SRPK2: variants seen among roughly 807,000 people sequenced by gnomAD.
SRPK2 encodes the protein SFRS protein kinase 2.
In SRPK2, 21 loss-of-function variants were observed where a neutral mutation model predicts 90.8. The observed-to-expected ratio is 0.23, with a 90% confidence interval of 0.16 to 0.33. The LOEUF (loss-of-function observed/expected upper bound fraction) is 0.33. Among genes scored for constraint, SRPK2 ranks in the 10% least tolerant of loss-of-function variants. The pLI is 1.00. For missense variants in SRPK2, 620 were observed against 869.0 expected, an observed-to-expected ratio of 0.71 and a Z score of 3.60; for synonymous variants, 288 against 311.1, an observed-to-expected ratio of 0.93 and a Z score of 0.78.
At chr7:105,265,540 T>TC (rs1804941409) in intron 2 of SRPK2, among the ~76,000 whole-genome samples, 1 of 151,812 alleles carries the variant, frequency 6.6e-6, no homozygotes, top group South Asian at 2.1e-4. Context: ...ACTACTACTC[T>TC]CCCCCACGCA....
At chr7:105,333,207 T>C (rs1283141769) in intron 2 of SRPK2, among the ~76,000 whole-genome samples, 2 of 151,742 alleles carry the variant, frequency 1.3e-5, no homozygotes, top group Non-Finnish European at 2.9e-5. Context: ...AACAAACAAA[T>C]AAATAAATAG....
At chr7:105,264,697 C>T (rs979839207) in intron 2 of SRPK2, among the ~76,000 whole-genome samples, 5 of 152,166 alleles carry the variant, frequency 3.3e-5, no homozygotes, top group South Asian at 4.1e-4. Context: ...TTATCCTTTC[C>T]GTATCTGTTC....
At chr7:105,398,242 T>C (rs2132928321) in intron 1 of SRPK2, among the ~76,000 whole-genome samples, 1 of 152,312 alleles carries the variant, frequency 6.6e-6, no homozygotes, top group South Asian at 2.1e-4. Flanking sequence ...GTAAAACCAA[T>C]TGGATTATGA....
chr7:105,343,220 T>C (rs1020932928), intron 2 of SRPK2, among the ~76,000 whole-genome samples: 1 of 151,998 alleles, frequency 6.6e-6, no homozygotes, highest in African/African-American at 2.4e-5. Flanking sequence ...ATTGCTTGAG[T>C]CCAAGAATTT....
chr7:105,323,589 C>CA (rs1233551309), intron 2 of SRPK2, among the ~76,000 whole-genome samples: 1 of 152,042 alleles, frequency 6.6e-6, no homozygotes, highest in Admixed American at 6.6e-5. Flanking sequence ...ATGTTAAAAA[C>CA]AAAAAAGTCT....
At chr7:105,323,469 T>C (rs1675056330) in intron 2 of SRPK2, among the ~76,000 whole-genome samples, 1 of 152,198 alleles carries the variant, frequency 6.6e-6, no homozygotes, top group African/African-American at 2.4e-5. Flanking sequence ...ATAGAATCTT[T>C]CTAAAAACAC....
intron 2 of SRPK2, among the ~76,000 whole-genome samples, chr7:105,259,306 C>A (rs561323885): frequency 6.6e-6 from 1 of 152,228 alleles, no homozygotes; most frequent in Admixed American, 6.5e-5. Flanking sequence ...GAATAAAATA[C>A]CTAGGAATCC....
intron 2 of SRPK2, among the ~76,000 whole-genome samples, chr7:105,370,946 C>T (rs1260464708): frequency 6.6e-6 from 1 of 151,992 alleles, no homozygotes; most frequent in Non-Finnish European, 1.5e-5. Context: ...ACTAGCAAAG[C>T]TTTAACTAGA....
intron 2 of SRPK2, among the ~76,000 whole-genome samples, chr7:105,292,199 T>C (rs1809125087): frequency 2.6e-5 from 4 of 152,158 alleles, no homozygotes; most frequent in African/African-American, 9.7e-5. Context: ...AATTGAACTA[T>C]TCATGTCTGG....
At chr7:105,389,096 G>C (rs1209338336), upstream of SRPK2, 2 of 973,780 alleles carry the variant, frequency 2.1e-6, no homozygotes, top group Non-Finnish European at 2.4e-6. Context: ...GCCGCCCATG[G>C]CCGCGCTGGC....
At chr7:105,232,517 TA>T (rs1163535491) in intron 2 of SRPK2, among the ~76,000 whole-genome samples, 3 of 143,394 alleles carry the variant, frequency 2.1e-5, no homozygotes, top group African/African-American at 7.8e-5. Flanking sequence ...AGTACAAAAG[TA>T]AAACAAAAAC....
chr7:105,320,770 G>A (rs1490276068), intron 2 of SRPK2, among the ~76,000 whole-genome samples: 1 of 151,994 alleles, frequency 6.6e-6, no homozygotes, highest in African/African-American at 2.4e-5. Context: ...TCAGACCTTG[G>A]CAATGACCTG....
chr7:105,232,458 TAAAAAAAA>T (rs10533429), intron 2 of SRPK2, among the ~76,000 whole-genome samples: 2 of 132,062 alleles, frequency 1.5e-5, no homozygotes, highest in Admixed American at 7.7e-5. Context: ...AAACCTTATC[TAAAAAAAA>T]AAAAAAAAAA....
chr7:105,387,429 G>C (rs1821735004), intron 2 of SRPK2, among the ~76,000 whole-genome samples: 1 of 151,524 alleles, frequency 6.6e-6, no homozygotes, highest in Admixed American at 6.6e-5. Context: ...AACATCTTAT[G>C]AATTCAATAT....
intron 2 of SRPK2, among the ~76,000 whole-genome samples, chr7:105,253,429 T>G (rs1048312752): frequency 6.6e-6 from 1 of 152,332 alleles, no homozygotes; most frequent in Admixed American, 6.5e-5. Context: ...AACCTTTCAA[T>G]GGCTCTTGGT....
chr7:105,170,316 C>CT (rs1308603370), intron 3 of SRPK2, among the ~76,000 whole-genome samples: 3 of 152,076 alleles, frequency 2.0e-5, no homozygotes. Context: ...ACAATGATGT[C>CT]TTAATTTACC....
At position 105,384,529 on chromosome 7, in the gene SRPK2, A is replaced by T. The variant is rs148530154; in HGVS notation, c.71+4119T>A. Among the ~76,000 whole-genome samples, 128 of 152,328 alleles carry T rather than the reference A, an allele frequency of 8.4e-4. 1 individual carries two copies. Among genetic ancestry groups the T allele is most frequent in the African/African-American group, 2.8e-3 (117 of 41,574 alleles). ...TAATGACAAAAGTAAATCATATTAT[A>T]CCAAGCCAGACCCACAGTCACATAA... On this transcript the variant is annotated intron_variant, in intron 2 of 15. Transcript: ENST00000393651.
At chr7:105,313,107 GA>G (rs542311406) in intron 2 of SRPK2, among the ~76,000 whole-genome samples, 3 of 149,828 alleles carry the variant, frequency 2.0e-5, no homozygotes, top group African/African-American at 4.9e-5. Context: ...CATGTAAGGG[GA>G]AAAAAAAGTT....
chr7:105,309,648 G>C (rs1346815749), intron 2 of SRPK2, among the ~76,000 whole-genome samples: 2 of 152,142 alleles, frequency 1.3e-5, no homozygotes, highest in Admixed American at 1.3e-4. Context: ...TGCTGACCCA[G>C]AGTGGCCAAA....
Sources: allele counts gnomAD v4.1 joint callset (sites outside exome capture counted in the v4.1 genomes callset), GRCh38; gene constraint gnomAD v4.1.1; transcripts MANE v1.5; gene names NCBI Gene and HGNC (gene_info 2026-07-23, HGNC 2026-07-21).